CCSER1: variants seen among roughly 807,000 people sequenced by gnomAD.
CCSER1 encodes coiled-coil serine rich protein 1, also known as serine-rich coiled-coil domain-containing protein 1.
A neutral mutation model predicts 82.0 loss-of-function variants in CCSER1; 41 were observed. The observed-to-expected ratio is 0.50, with a 90% CI of 0.39 to 0.65. The LOEUF (loss-of-function observed/expected upper bound fraction) is 0.65, where lower values mean the gene tolerates loss of function less well. Ranked by LOEUF, CCSER1 falls within the 30% of genes least tolerant of loss-of-function variation. The pLI, the probability that CCSER1 is intolerant of heterozygous loss-of-function variation, is 0.00. For synonymous variants in CCSER1, 414 were observed against 383.9 expected (o/e 1.08, Z -0.92); for missense variants, 1,119 against 1,064.2 (o/e 1.05, Z -0.72).
At chr4:91,112,882 A>G (rs1305167419) in intron 10 of CCSER1, 2 of 152,222 alleles carry the variant, frequency 1.3e-5, no homozygotes. Context: ...AAACTTCATC[A>G]ACTGAGACTT....
chr4:90,401,850 A>T (rs1045633912), intron 4 of CCSER1, among the ~76,000 whole-genome samples: 1 of 152,154 alleles, frequency 6.6e-6, no homozygotes, highest in Non-Finnish European at 1.5e-5. Context: ...TGTATTGTTG[A>T]TAGAGAACTT....
At chr4:90,490,532 T>A (rs1166604230) in intron 5 of CCSER1, among the ~76,000 whole-genome samples, 1 of 152,194 alleles carries the variant, frequency 6.6e-6, no homozygotes, top group Non-Finnish European at 1.5e-5. Flanking sequence ...TTTAATTAGA[T>A]CCCATTTGCC....
At chr4:91,575,412 A>C (rs1370943614) in intron 10 of CCSER1, among the ~76,000 whole-genome samples, 1 of 152,062 alleles carries the variant, frequency 6.6e-6, no homozygotes, top group African/African-American at 2.4e-5. Context: ...GGGAGCAATT[A>C]AAAAATGAAA....
intron 1 of CCSER1, among the ~76,000 whole-genome samples, chr4:90,186,293 A>G (rs1003051679): frequency 1.3e-5 from 2 of 152,006 alleles, no homozygotes; most frequent in Non-Finnish European, 2.9e-5. Flanking sequence ...TCAGGTTCTT[A>G]TACTCCTGTG....
intron 6 of CCSER1, among the ~76,000 whole-genome samples, chr4:90,713,045 A>G (rs996740302): frequency 6.5e-4 from 99 of 151,664 alleles, no homozygotes; most frequent in Admixed American, 9.9e-4. Context: ...GTCTTTGCAC[A>G]TGAGATGGAT....
intron 10 of CCSER1, among the ~76,000 whole-genome samples, chr4:91,154,459 T>G (rs911284415): frequency 6.6e-6 from 1 of 151,766 alleles, no homozygotes; most frequent in Non-Finnish European, 1.5e-5. Context: ...TTGCGCTTCC[T>G]GGGTGAGGCA....
At chr4:91,585,790 TA>T (rs1763960713) in intron 10 of CCSER1, among the ~76,000 whole-genome samples, 1 of 151,366 alleles carries the variant, frequency 6.6e-6, no homozygotes, top group Non-Finnish European at 1.5e-5. Flanking sequence ...ACCCAATGAT[TA>T]AAGAAAAAAT....
chr4:91,121,223 T>A (rs1190058350), intron 10 of CCSER1, among the ~76,000 whole-genome samples: 2 of 151,820 alleles, frequency 1.3e-5, no homozygotes, highest in Non-Finnish European at 3.0e-5. Flanking sequence ...AAGTATTTCT[T>A]GTAACATTTT....
At chr4:90,932,996 G>GAA (rs1472855231) in intron 9 of CCSER1, among the ~76,000 whole-genome samples, 3 of 56,062 alleles carry the variant, frequency 5.4e-5, no homozygotes, top group African/African-American at 1.3e-4. Flanking sequence ...AAGAAAGAAA[G>GAA]AAAGAAAGAA....
At chr4:90,189,418 C>G (rs1395692311) in intron 1 of CCSER1, among the ~76,000 whole-genome samples, 1 of 151,872 alleles carries the variant, frequency 6.6e-6, no homozygotes, top group Non-Finnish European at 1.5e-5. Flanking sequence ...CTCAGTGCCC[C>G]TTGCAGCTCT....
chr4:91,525,076 T>C lies in CCSER1; in HGVS notation c.2218-73496T>C, dbSNP rs559966353. Among the ~76,000 whole-genome samples the C allele has an allele frequency of 3.6e-4, 55 of 152,238 alleles. No individual in the cohort carries two copies. The South Asian group carries it at 0.011, about 32-fold the overall frequency. ...AAAAATGGTCTGTGCTAGAGATCTC[T>C]AACTAATACGAGAATCTCCACAGTG... On this transcript the variant is annotated intron_variant, in intron 10 of 10. Transcript: ENST00000509176.
intron 10 of CCSER1, among the ~76,000 whole-genome samples, chr4:91,329,807 T>A (rs1403230891): frequency 6.6e-6 from 1 of 152,128 alleles, no homozygotes; most frequent in Non-Finnish European, 1.5e-5. Flanking sequence ...TCTTTTGTAT[T>A]TTTTTACTCC....
At chr4:91,258,253 T>C (rs139296420) in intron 10 of CCSER1, among the ~76,000 whole-genome samples, 10 of 152,118 alleles carry the variant, frequency 6.6e-5, no homozygotes, top group South Asian at 4.1e-4. Flanking sequence ...AAAATTTTAA[T>C]GCACTAAAAA....
intron 10 of CCSER1, among the ~76,000 whole-genome samples, chr4:91,196,646 A>G (rs1735460630): frequency 6.6e-6 from 1 of 152,236 alleles, no homozygotes; most frequent in African/African-American, 2.4e-5. Flanking sequence ...TATAAATTTG[A>G]TAAATTGATC....
intron 10 of CCSER1, among the ~76,000 whole-genome samples, chr4:91,395,209 A>G (rs957040443): frequency 3.9e-5 from 6 of 152,078 alleles, no homozygotes; most frequent in African/African-American, 7.2e-5. Flanking sequence ...GACTGAGCAT[A>G]TAACTGTGCT....
chr4:91,102,167 AT>A, intron 10 of CCSER1, among the ~76,000 whole-genome samples: 1 of 152,326 alleles, frequency 6.6e-6, no homozygotes, highest in Non-Finnish European at 1.5e-5. Context: ...AATGAAAAAA[AT>A]CTGTTGATTG....
At chr4:91,144,302 T>A (rs945183638) in intron 10 of CCSER1, among the ~76,000 whole-genome samples, 5 of 151,912 alleles carry the variant, frequency 3.3e-5, no homozygotes, top group Non-Finnish European at 5.9e-5. Context: ...ATGGGATTGA[T>A]TATAGTGTCA....
intron 7 of CCSER1, among the ~76,000 whole-genome samples, chr4:90,726,204 GT>G (rs2149384558): frequency 6.6e-6 from 1 of 152,048 alleles, no homozygotes; most frequent in African/African-American, 2.4e-5. Context: ...AAGATACCTT[GT>G]TTTGGCTGGT....
intron 10 of CCSER1, among the ~76,000 whole-genome samples, chr4:91,160,705 T>A (rs1366267220): frequency 6.6e-6 from 1 of 152,222 alleles, no homozygotes; most frequent in Non-Finnish European, 1.5e-5. Context: ...TTTTGAGAAG[T>A]GTCTGTACAT....
Sources: gnomAD v4.1 joint callset for allele counts (sites outside exome capture counted in the v4.1 genomes callset) on GRCh38, gnomAD v4.1.1 for gene constraint, MANE v1.5 for transcripts, NCBI Gene and HGNC (gene_info 2026-07-23, HGNC 2026-07-21) for gene names.